The following PDE4D variants were observed in gnomAD, a reference collection of about 807,000 sequenced individuals.
The protein encoded by PDE4D is 3',5'-cyclic-AMP phosphodiesterase 4D.
Under a neutral mutation model 87.4 loss-of-function variants are expected in PDE4D, and 24 were observed. The ratio of observed to expected loss-of-function variants is 0.27; its 90% CI spans 0.20 to 0.39. PDE4D has a LOEUF of 0.39. Ranked by LOEUF, PDE4D falls within the 10% of genes least tolerant of loss-of-function variation. PDE4D has a pLI of 1.00. For missense variants in PDE4D, 714 were observed against 1,041.0 expected (o/e 0.69, Z 4.32); for synonymous variants, 384 against 383.2 (o/e 1.00, Z -0.02).
At position 60,104,303 on chromosome 5, in the gene PDE4D, G is replaced by T. The variant is rs187641257; in HGVS notation, c.42+81254C>A. Reference sequence around the variant, plus strand: ...CAAACTGCAAGGTGGCAGCGAGGCTGGGGGAGAGGCGCCCACCATTGCCCA... The same window carrying T: ...CAAACTGCAAGGTGGCAGCGAGGCTTGGGGAGAGGCGCCCACCATTGCCCA... On this transcript the variant is annotated intron_variant, in intron 2 of 16. Transcript: ENST00000502484. Among the ~76,000 whole-genome samples, 3 of 152,304 alleles carry T rather than the reference G, an allele frequency of 2.0e-5. No homozygotes were observed. In the East Asian group the frequency reaches 5.8e-4, roughly 29 times the overall value.
chr5:59,640,615 C>T (rs1307830403), intron 1 of PDE4D, among the ~76,000 whole-genome samples: 3 of 152,194 alleles, frequency 2.0e-5, no homozygotes, highest in Admixed American at 6.5e-5. Context: ...GAGCCTCAAC[C>T]CTGGCTGACT....
At chr5:59,339,986 C>T (rs1345236009) in intron 1 of PDE4D, among the ~76,000 whole-genome samples, 1 of 150,792 alleles carries the variant, frequency 6.6e-6, no homozygotes, top group African/African-American at 2.4e-5. Context: ...TGCATTAATC[C>T]CTGTTGCTTT....
intron 1 of PDE4D, chr5:59,586,691 T>C: frequency 1.0e-6 from 1 of 985,418 alleles, no homozygotes; most frequent in South Asian, 4.7e-5. Context: ...TGGCAAATAT[T>C]GTCCTGGTAA....
chr5:59,542,776 T>A (rs547649233), intron 1 of PDE4D, among the ~76,000 whole-genome samples: 1 of 152,134 alleles, frequency 6.6e-6, no homozygotes, highest in Non-Finnish European at 1.5e-5. Context: ...GAATTTGACA[T>A]CTTGTTGAAA....
intron 2 of PDE4D, among the ~76,000 whole-genome samples, chr5:60,152,670 GA>G (rs1224165420): frequency 5.4e-4 from 74 of 136,324 alleles, no homozygotes; most frequent in African/African-American, 1.8e-3. Flanking sequence ...AAAAAAAAAA[GA>G]AAAAATTTTT....
chr5:60,107,672 G>A (rs1777152004), intron 2 of PDE4D, among the ~76,000 whole-genome samples: 1 of 152,168 alleles, frequency 6.6e-6, no homozygotes, highest in Non-Finnish European at 1.5e-5. Flanking sequence ...GATCAAGTGG[G>A]CTTCATCCCT....
At chr5:60,133,103 C>T (rs762275544) in intron 2 of PDE4D, among the ~76,000 whole-genome samples, 1 of 152,152 alleles carries the variant, frequency 6.6e-6, no homozygotes, top group Non-Finnish European at 1.5e-5. Flanking sequence ...CAATTTCTGG[C>T]TCTGCTATAA....
chr5:59,255,687 T>C (rs1388900787), intron 1 of PDE4D, among the ~76,000 whole-genome samples: 1 of 152,054 alleles, frequency 6.6e-6, no homozygotes, highest in Non-Finnish European at 1.5e-5. Context: ...TGCAGAACAA[T>C]GAATGTGCAG....
intron 1 of PDE4D, chr5:59,797,276 A>G (rs1766599583): frequency 6.6e-6 from 1 of 152,240 alleles, no homozygotes; most frequent in African/African-American, 2.4e-5. Context: ...AGCTGGAAAT[A>G]TTGTCATGGA....
Position 59,754,797 on chromosome 5 carries a change from ATTTT to A in PDE4D, c.455+138367_455+138370del, listed in dbSNP as rs754869518. 1.0e-3 allele frequency among the ~76,000 whole-genome samples: 100 copies of A among 96,912 alleles called. 6 individuals carry two copies. Among genetic ancestry groups the A allele is most frequent in the African/African-American group, 4.0e-3 (96 of 24,126 alleles). The allele number at this position is 96,912 out of a possible 152,430, so 63.6% of individuals were successfully genotyped here. ...GCAGGTACAGAATTTTCCACAGAAC[ATTTT>A]TTTTTTTTTTTTTTTTTTTTTTTTG... is the stretch of plus-strand genomic sequence containing the variant. On this transcript the variant is annotated intron_variant, in intron 1 of 14. Transcript: ENST00000340635.
rs1410488072 is a variant in PDE4D, at chr5:59,913,860, AG to A, written c.272+74627del. Among the ~76,000 whole-genome samples the A allele has an allele frequency of 5.9e-5, 9 of 152,278 alleles. No individual in the cohort carries two copies. The South Asian group carries it at 1.9e-3, about 32-fold the overall frequency. On this transcript the variant is annotated intron_variant, in intron 3 of 16. Transcript: ENST00000502484. Reference sequence around the variant, plus strand: ...CTTGAAGGATGATCAGAGTAAAATCAGGGTTTTTTTGGCATGAAATTGTAGT... The same window carrying A: ...CTTGAAGGATGATCAGAGTAAAATCAGGTTTTTTTGGCATGAAATTGTAGT...
chr5:60,482,608 A>G (rs1748819887), intron 1 of PDE4D, among the ~76,000 whole-genome samples: 1 of 152,214 alleles, frequency 6.6e-6, no homozygotes, highest in Non-Finnish European at 1.5e-5. Context: ...TGAATGAATG[A>G]GAAGAATCTG....
chr5:59,592,375 T>C (rs1348906137), intron 1 of PDE4D, among the ~76,000 whole-genome samples: 2 of 152,202 alleles, frequency 1.3e-5, no homozygotes, highest in Non-Finnish European at 2.9e-5. Flanking sequence ...AAATGCATCA[T>C]GTTTCAGCAA....
At position 58,970,766 on chromosome 5, in the gene PDE4D, C is replaced by G. The variant is rs549492853; in HGVS notation, c.*3898G>C. The G allele has an allele frequency of 2.0e-5, 3 of 151,990 alleles. No individual in the cohort carries two copies. Among genetic ancestry groups the G allele is most frequent in the South Asian group, 2.1e-4 (1 of 4,820 alleles). 9.4% of individuals were successfully genotyped at this position (151,990 alleles called of 1,614,324 possible). A position where few individuals can be genotyped will look rare whatever the true frequency, so the allele number is the denominator to read the frequency against. ...TGTCAGGAAGCTGATGAATAGATAA[C>G]CAACACGAGTAAACTCTGGCTCCAA... On this transcript the variant is annotated 3_prime_UTR_variant, in exon 15 of 15. Coordinates refer to ENST00000340635, the MANE Select transcript of PDE4D (RefSeq NM_001104631.2).
At chr5:59,508,474 G>A (rs767082126) in intron 1 of PDE4D, among the ~76,000 whole-genome samples, 8 of 151,816 alleles carry the variant, frequency 5.3e-5, no homozygotes, top group Non-Finnish European at 7.4e-5. Flanking sequence ...ATCCTCTTTC[G>A]AAAAATACAC....
intron 1 of PDE4D, among the ~76,000 whole-genome samples, chr5:59,634,015 A>G (rs1160256811): frequency 6.6e-6 from 1 of 151,928 alleles, no homozygotes; most frequent in African/African-American, 2.4e-5. Flanking sequence ...ACACACACAC[A>G]GGCTCAAAAA....
chr5:59,651,258 CAATAATAATAATAATAAT>C (rs59177482), intron 1 of PDE4D, among the ~76,000 whole-genome samples: 351 of 142,258 alleles, frequency 2.5e-3, no homozygotes, highest in African/African-American at 8.6e-3. Flanking sequence ...TCTGTCTCAA[CAATAATAATAATAATAAT>C]AATAATAATA....
intron 3 of PDE4D, among the ~76,000 whole-genome samples, chr5:59,956,065 G>A (rs1043672074): frequency 6.6e-6 from 1 of 152,164 alleles, no homozygotes; most frequent in Non-Finnish European, 1.5e-5. Context: ...AAGATGGAAA[G>A]GCAATTGATC....
intron 1 of PDE4D, among the ~76,000 whole-genome samples, chr5:59,475,703 T>C (rs1440112140): frequency 1.3e-5 from 2 of 152,174 alleles, no homozygotes; most frequent in East Asian, 3.9e-4. Flanking sequence ...CTTAGCCTCT[T>C]ACACAGTGCT....
Sources: allele counts gnomAD v4.1 joint callset (sites outside exome capture counted in the v4.1 genomes callset), GRCh38; gene constraint gnomAD v4.1.1; transcripts MANE v1.5; gene names NCBI Gene and HGNC (gene_info 2026-07-23, HGNC 2026-07-21).